CACNA1A: variants seen among roughly 807,000 people sequenced by gnomAD.
CACNA1A encodes the protein calcium voltage-gated channel subunit alpha1 A.
Under a neutral mutation model 262.4 loss-of-function variants are expected in CACNA1A, and 57 were observed. The ratio of observed to expected loss-of-function variants is 0.22; its 90% CI spans 0.18 to 0.27. The LOEUF is 0.27. Among genes scored for constraint, CACNA1A ranks in the 10% least tolerant of loss-of-function variants. The probability of loss-of-function intolerance (pLI) is 1.00; values close to 1 mark genes in which losing one functional copy is unlikely to be tolerated. For missense variants in CACNA1A, 2,526 were observed against 3,562.8 expected (o/e 0.71, Z 7.41); for synonymous variants, 1,431 against 1,419.3 (o/e 1.01, Z -0.18).
chr19:13,417,889 C>CAAAA (rs113789898), intron 3 of CACNA1A, among the ~76,000 whole-genome samples: 4 of 83,386 alleles, frequency 4.8e-5, no homozygotes, highest in African/African-American at 1.5e-4. Flanking sequence ...GACTCCATCT[C>CAAAA]AAAAAAAAAA....
At chr19:13,230,996 TTTTTTGTTTG>T (rs1334885438) in intron 35 of CACNA1A, among the ~76,000 whole-genome samples, 9 of 131,954 alleles carry the variant, frequency 6.8e-5, no homozygotes, top group Middle Eastern at 4.2e-3. Flanking sequence ...TGTTTTTTTT[TTTTTTGTTTG>T]TTTTTGTTTG....
intron 10 of CACNA1A, among the ~76,000 whole-genome samples, chr19:13,327,879 G>A (rs1028449565): frequency 3.3e-5 from 5 of 151,780 alleles, no homozygotes; most frequent in Admixed American, 6.6e-5. Context: ...GGCCAGCAAA[G>A]TAGATTTTTA....
In CACNA1A at chr19:13,317,349, G is replaced by A. The variant is rs1220048907; in HGVS notation, c.1346-28C>T. 6 of 1,563,332 alleles carry A rather than the reference G, an allele frequency of 3.8e-6. No homozygotes were observed. In the Admixed American group the frequency reaches 6.8e-5, roughly 18 times the overall value. ...GCCAGGGAAAAGATGGAGAATGTCA[G>A]GCTCAGGCTGTTCCTTCAGAAGAAA... On this transcript the variant is annotated intron_variant, in intron 10 of 46. Transcript: ENST00000360228.
rs1487889235 is a variant in CACNA1A, at chr19:13,406,509, A to ATATATATG, written c.540-34731_540-34730insCATATATA. 7.0e-4 allele frequency among the ~76,000 whole-genome samples: 77 copies of ATATATATG among 109,650 alleles called. 2 individuals carry two copies. Among genetic ancestry groups the ATATATATG allele is most frequent in the African/African-American group, 1.9e-3 (56 of 29,798 alleles). The allele number at this position is 109,650 out of a possible 152,430, so 71.9% of individuals were successfully genotyped here. ...TATATATATATATATATATATATAT[A>ATATATATG]TATGAAGGGAATCTGATCCCTAACA... is the stretch of plus-strand genomic sequence containing the variant. On this transcript the variant is annotated intron_variant, in intron 3 of 46. Transcript: ENST00000360228.
rs777446478 is a variant in CACNA1A at position 13,208,954 on chromosome 19, C to T, written c.6582G>A (p.Glu2194=). Residue 2194 remains glutamate, a synonymous_variant, in exon 46 of 47, where the codon GAG becomes GAA. Coordinates refer to ENST00000360228, the MANE Select transcript of CACNA1A (RefSeq NM_001127222.2). ...TGGGCCGGCCCCGCTCCTGGTCCCG[C>T]TCCTTCGACGGCAGGTCCCCGGATT... is the stretch of plus-strand genomic sequence containing the variant. The part of the protein sequence containing the change: ...TTQSGDLPSK[E]RDQERGRPKD... 15 of 1,537,538 alleles carry T rather than the reference C, an allele frequency of 9.8e-6. No individual in the cohort carries two copies. The South Asian group carries it at 1.3e-4, about 13-fold the overall frequency.
chr19:13,224,297 C>G (rs148309846), intron 38 of CACNA1A, among the ~76,000 whole-genome samples: 70 of 148,250 alleles, frequency 4.7e-4, no homozygotes, highest in African/African-American at 1.5e-3. Flanking sequence ...GCACTTCAGC[C>G]TGGGTGACAG....
In CACNA1A at chr19:13,261,776, G is replaced by A. The variant is rs1365842054; in HGVS notation, c.4090-166C>T. 9.7e-6 allele frequency: 6 copies of A among 615,994 alleles called. No homozygotes were observed. The East Asian group carries it at 1.1e-4, about 11-fold the overall frequency. The allele number at this position is 615,994 out of a possible 1,614,324, so 38.2% of individuals were successfully genotyped here. Reference sequence around the variant, plus strand: ...GTCCCCCCAGCTTTCAGAAATAAGCGTTGGAGGAGTTGGACTCAATCCTGG... The same window carrying A: ...GTCCCCCCAGCTTTCAGAAATAAGCATTGGAGGAGTTGGACTCAATCCTGG... On this transcript the variant is annotated intron_variant, in intron 25 of 46. Transcript: ENST00000360228.
rs1212952550 is a variant in CACNA1A at position 13,359,736 on chromosome 19, T to C, written c.848A>G (p.Asn283Ser). The C allele has an allele frequency of 2.5e-6, 4 of 1,574,586 alleles. No individual in the cohort carries two copies. Among genetic ancestry groups the C allele is most frequent in the Non-Finnish European group, 3.4e-6 (4 of 1,159,728 alleles). Residue 283 changes from asparagine to serine, a missense_variant, in exon 6 of 47, where the codon AAT becomes AGT. Physicochemically the swap from Asn to Ser is conservative, Grantham distance 46. Around this residue, in one of 17 missense-constraint regions of CACNA1A, gnomAD observed 52 missense variants for 124.0 expected, o/e 0.42. Transcript: ENST00000360228. The stretch of plus-strand genomic sequence containing the variant: ...CCAGTAGGGCTGACATTTGGTCCCA[T>C]TGGGGCAGGTGCGGGCGGGCTCTTC... The part of the protein sequence containing the change: ...GTEEPARTCP[N>S]GTKCQPYWEG...
chr19:13,457,853 C>CAAAA (rs775895393), intron 1 of CACNA1A, among the ~76,000 whole-genome samples: 5 of 58,692 alleles, frequency 8.5e-5, no homozygotes, highest in African/African-American at 2.5e-4. Flanking sequence ...AACTCCGTTT[C>CAAAA]AAAAAAAAAA....
intron 34 of CACNA1A, chr19:13,234,666 G>A (rs2055806046): frequency 2.1e-6 from 1 of 482,738 alleles, no homozygotes; most frequent in Admixed American, 3.4e-5. Context: ...GAGCACATCT[G>A]GCCACCCCCA....
chr19:13,420,255 GCTCT>G (rs775619380), intron 3 of CACNA1A, among the ~76,000 whole-genome samples: 1 of 150,934 alleles, frequency 6.6e-6, no homozygotes, highest in African/African-American at 2.4e-5. Flanking sequence ...AGAAAGGCTC[GCTCT>G]CTCTCTCAAG....
chr19:13,445,903 G>A (rs1034162315), intron 3 of CACNA1A, among the ~76,000 whole-genome samples: 4 of 152,172 alleles, frequency 2.6e-5, no homozygotes, highest in Admixed American at 2.6e-4. Flanking sequence ...TAAACACCGT[G>A]GTGGTCCACA....
chr19:13,311,566 G>A (rs1466630019), intron 12 of CACNA1A, among the ~76,000 whole-genome samples: 1 of 152,208 alleles, frequency 6.6e-6, no homozygotes, highest in African/African-American at 2.4e-5. Context: ...GGCTGGGTGT[G>A]GTGGCTCACG....
At chr19:13,220,907 T>C (rs186347407) in intron 38 of CACNA1A, among the ~76,000 whole-genome samples, 1 of 152,202 alleles carries the variant, frequency 6.6e-6, no homozygotes, top group African/African-American at 2.4e-5. Flanking sequence ...ATTACAGGTG[T>C]GAGCCACTGC....
rs1009061889 is a variant in CACNA1A, at chr19:13,279,743, C to T, written c.3823-2615G>A. On this transcript the variant is annotated intron_variant, in intron 22 of 46. Coordinates refer to ENST00000360228, the MANE Select transcript of CACNA1A (RefSeq NM_001127222.2). ...CACGTGATCTACCCACCTTGGCCTCCCAAAGTGCTGGGATTACAGGTGCGA... is the reference window on the plus strand; with the variant it reads ...CACGTGATCTACCCACCTTGGCCTCTCAAAGTGCTGGGATTACAGGTGCGA... Among the ~76,000 whole-genome samples the T allele has an allele frequency of 2.6e-5, 4 of 151,948 alleles. No homozygotes were observed. The East Asian group carries it at 7.7e-4, about 29-fold the overall frequency.
chr19:13,491,301 T>A (rs755613433), intron 1 of CACNA1A, among the ~76,000 whole-genome samples: 1 of 152,140 alleles, frequency 6.6e-6, no homozygotes, highest in Non-Finnish European at 1.5e-5. Context: ...TGCCATGAGC[T>A]CTGGGGGCTG....
chr19:13,346,615 ATTATAT>A (rs2058767669), intron 6 of CACNA1A, among the ~76,000 whole-genome samples: 2 of 60,336 alleles, frequency 3.3e-5, no homozygotes, highest in Admixed American at 5.1e-4. Context: ...TTTTTAATTG[ATTATAT>A]ATATATATAT....
Position 13,404,290 on chromosome 19 carries a change from G to A in CACNA1A, c.540-32511C>T, listed in dbSNP as rs940843359. ...CAGCTTCCACCCGGAGCTCAGGAGC[G>A]TGGAGCAGGCCACCTGAGAGCAGAG... On this transcript the variant is annotated intron_variant, in intron 3 of 46. Coordinates refer to ENST00000360228, the MANE Select transcript of CACNA1A (RefSeq NM_001127222.2). 3.6e-4 allele frequency among the ~76,000 whole-genome samples: 55 copies of A among 152,174 alleles called. 4 individuals carry two copies. The highest frequency in any genetic ancestry group is 1.9e-4 in the East Asian group (1 of 5,200).
At chr19:13,217,452 G>A (rs902160566) in intron 38 of CACNA1A, among the ~76,000 whole-genome samples, 1 of 152,130 alleles carries the variant, frequency 6.6e-6, no homozygotes, top group Non-Finnish European at 1.5e-5. Context: ...CCTGAGACCC[G>A]CATCTGCTCA....
Sources: allele counts gnomAD v4.1 joint callset (sites outside exome capture counted in the v4.1 genomes callset), GRCh38; gene constraint gnomAD v4.1.1; regional missense constraint gnomAD v4.1.1; transcripts MANE v1.5; gene names NCBI Gene and HGNC (gene_info 2026-07-23, HGNC 2026-07-21).